The following PTPN11 variants were observed in gnomAD, a reference collection of about 807,000 sequenced individuals.
PTPN11 encodes protein tyrosine phosphatase non-receptor type 11, also known as tyrosine-protein phosphatase non-receptor type 11.
PTPN11 carries 6 observed loss-of-function variants against 78.8 expected under a neutral mutation model. The ratio of observed to expected loss-of-function variants is 0.08; its 90% CI spans 0.04 to 0.15. PTPN11 has a LOEUF of 0.15. Ranked by LOEUF, PTPN11 falls within the 10% of genes least tolerant of loss-of-function variation. The pLI, the probability that PTPN11 is intolerant of heterozygous loss-of-function variation, is 1.00. For synonymous variants in PTPN11, 221 were observed against 263.5 expected (o/e 0.84, Z 1.56); for missense variants, 386 against 744.8 (o/e 0.52, Z 5.61).
chr12:112,446,138 G>A (rs2037990750), intron 1 of PTPN11, 138 bp from the exon 2 acceptor site: 6 of 1,060,280 alleles, frequency 5.7e-6, no homozygotes, highest in Non-Finnish European at 7.0e-6. Flanking sequence ...AGAAGAGGGG[G>A]AAGGGACAGG....
intron 1 of PTPN11, among the ~76,000 whole-genome samples, chr12:112,438,219 G>A (rs998571399): frequency 1.3e-5 from 2 of 152,092 alleles, no homozygotes; most frequent in African/African-American, 4.8e-5. Flanking sequence ...ACTCACTGAC[G>A]TTTGGTATAT....
At chr12:112,489,307 C>A in intron 13 of PTPN11, 132 bp downstream of exon 13, 1 of 1,050,472 alleles carries the variant, frequency 9.5e-7, no homozygotes. Flanking sequence ...AAACTCCCAA[C>A]TAAAAGGGCC....
At chr12:112,426,093 A>G (rs2037611766) in intron 1 of PTPN11, among the ~76,000 whole-genome samples, 3 of 152,220 alleles carry the variant, frequency 2.0e-5, no homozygotes, top group Admixed American at 2.0e-4. Flanking sequence ...GGATGCATAG[A>G]TAAAACAAAA....
chr12:112,502,205 G>A lies in PTPN11; in HGVS notation c.1661G>A (p.Ser554Asn), dbSNP rs1555271397. Residue 554 changes from serine to asparagine, a missense_variant, in exon 14 of 16, where the codon AGT becomes AAT. This residue lies in a region of PTPN11 where 44 missense variants were observed against 59.3 expected (regional missense o/e 0.74). Transcript: ENST00000351677. ...NIKYSLADQT[S>N]GDQSPLPPCT... ...AAGTATTCTCTAGCGGACCAGACGAGTGGAGATCAGAGCCCTCTCCCGCCT... is the reference window on the plus strand; with the variant it reads ...AAGTATTCTCTAGCGGACCAGACGAATGGAGATCAGAGCCCTCTCCCGCCT... 4 of 1,613,948 alleles carry A rather than the reference G, an allele frequency of 2.5e-6. No homozygotes were observed. The highest frequency in any genetic ancestry group is 1.3e-5 in the African/African-American group (1 of 75,030).
rs1411662168 is a variant in PTPN11, at chr12:112,506,840, C to G, written c.*1048C>G. ...GGCCTGGCTGGCAGGGTAGCTAGAC[C>G]TCTCACATGCAGCTCAGAGCTCCCA... On this transcript the variant is annotated 3_prime_UTR_variant, in exon 16 of 16. Transcript: ENST00000351677. The G allele has an allele frequency of 6.2e-6, 1 of 160,002 alleles. No homozygotes were observed. Among genetic ancestry groups the G allele is most frequent in the African/African-American group, 2.4e-5 (1 of 41,606 alleles). The allele number at this position is 160,002 out of a possible 1,614,324, so 9.9% of individuals were successfully genotyped here. A position where few individuals can be genotyped will look rare whatever the true frequency, so the allele number is the denominator to read the frequency against.
At chr12:112,435,259 A>G (rs910361799) in intron 1 of PTPN11, among the ~76,000 whole-genome samples, 18 of 152,126 alleles carry the variant, frequency 1.2e-4, no homozygotes, top group African/African-American at 3.1e-4. Flanking sequence ...GTCTCAAGCA[A>G]TCCTCCCACC....
intron 1 of PTPN11, among the ~76,000 whole-genome samples, chr12:112,426,463 G>C (rs569189729): frequency 6.6e-6 from 1 of 152,246 alleles, no homozygotes; most frequent in South Asian, 2.1e-4. Flanking sequence ...CACCATGTTG[G>C]CCAGGCTGGT....
At position 112,467,485 on chromosome 12, in the gene PTPN11, C is replaced by A. The variant is rs535712334; in HGVS notation, c.757-5459C>A. On this transcript the variant is annotated intron_variant, in intron 6 of 15. Transcript: ENST00000351677. ...GGTGGCAAGGGTGGGGTGGGAGCCA[C>A]GCTCTTTTTTTAATTTTATTTTAAT... Among the ~76,000 whole-genome samples the A allele has an allele frequency of 8.6e-5, 13 of 152,044 alleles. No homozygotes were observed. The South Asian group carries it at 2.7e-3, about 32-fold the overall frequency.
chr12:112,421,752 C>T (rs751814977), intron 1 of PTPN11, among the ~76,000 whole-genome samples: 37 of 152,040 alleles, frequency 2.4e-4, no homozygotes, highest in Non-Finnish European at 4.6e-4. Context: ...CTCAGCTTTC[C>T]GGTTACTGGG....
chr12:112,498,874 A>G (rs565038188), intron 13 of PTPN11, among the ~76,000 whole-genome samples: 2 of 152,378 alleles, frequency 1.3e-5, no homozygotes, highest in Admixed American at 1.3e-4. Flanking sequence ...GGTCTTCTAC[A>G]TAAGCTAAAA....
chr12:112,460,992 T>G (rs1487899478), intron 6 of PTPN11, among the ~76,000 whole-genome samples: 1 of 152,168 alleles, frequency 6.6e-6, no homozygotes, highest in Non-Finnish European at 1.5e-5. Context: ...ATAGTCTGAA[T>G]TTTGCTGAGT....
At chr12:112,480,256 C>T (rs2038574957) in intron 9 of PTPN11, among the ~76,000 whole-genome samples, 1 of 151,836 alleles carries the variant, frequency 6.6e-6, no homozygotes, top group Non-Finnish European at 1.5e-5. Context: ...TAGGAGTGCT[C>T]ATTTGGGGAA....
chr12:112,489,133 G>A lies in PTPN11; in HGVS notation c.1557G>A (p.Gln519=), dbSNP rs2135916624. The A allele has an allele frequency of 6.2e-7, 1 of 1,614,204 alleles. No homozygotes were observed. Among genetic ancestry groups the A allele is most frequent in the Non-Finnish European group, 8.5e-7 (1 of 1,180,050 alleles). ...ACCGATTTATCTATATGGCGGTCCA[G>A]CATTATATTGAAACACTACAGCGCA... ...AQYRFIYMAV[Q]HYIETLQRRI... Residue 519 remains glutamine, a synonymous_variant, in exon 13 of 16, where the codon CAG becomes CAA. Coordinates refer to ENST00000351677, the MANE Select transcript of PTPN11 (RefSeq NM_002834.5).
chr12:112,478,545 A>C (rs2038546116), intron 9 of PTPN11, among the ~76,000 whole-genome samples: 1 of 152,126 alleles, frequency 6.6e-6, no homozygotes, highest in African/African-American at 2.4e-5. Context: ...TTTCATTTCG[A>C]ATAGCTTCTT....
intron 6 of PTPN11, among the ~76,000 whole-genome samples, chr12:112,456,652 G>A (rs989052731): frequency 6.6e-6 from 1 of 151,998 alleles, no homozygotes; most frequent in African/African-American, 2.4e-5. Flanking sequence ...TAGAGATGAG[G>A]TTTTGCAGTG....
At chr12:112,488,531 G>C (rs1174233675) in intron 12 of PTPN11, 21 bp downstream of exon 12, 3 of 1,578,276 alleles carry the variant, frequency 1.9e-6, no homozygotes, top group Non-Finnish European at 2.6e-6. Context: ...TGGTGGGCAA[G>C]AAGCGACAGT....
chr12:112,442,877 T>TATATATATATATAA (rs1415088606), intron 1 of PTPN11, among the ~76,000 whole-genome samples: 10 of 70,126 alleles, frequency 1.4e-4, no homozygotes, highest in African/African-American at 6.5e-4. Context: ...TATATATATA[T>TATATATATATATAA]AAATTATATA....
chr12:112,428,603 A>C (rs1396616934), intron 1 of PTPN11, among the ~76,000 whole-genome samples: 1 of 151,892 alleles, frequency 6.6e-6, no homozygotes. Context: ...GAATACACGT[A>C]TTAAACCTGT....
intron 13 of PTPN11, among the ~76,000 whole-genome samples, chr12:112,500,373 A>G (rs1037007411): frequency 6.6e-6 from 1 of 152,230 alleles, no homozygotes; most frequent in African/African-American, 2.4e-5. Context: ...CTAAACATTT[A>G]CGACTGCTAT....
Sources: allele counts gnomAD v4.1 joint callset (sites outside exome capture counted in the v4.1 genomes callset), GRCh38; gene constraint gnomAD v4.1.1; regional missense constraint gnomAD v4.1.1; transcripts MANE v1.5; gene names NCBI Gene and HGNC (gene_info 2026-07-23, HGNC 2026-07-21).